Variants in MINDY3 observed in about 807,000 individuals in gnomAD.
MINDY3 encodes the protein MINDY lysine 48 deubiquitinase 3.
MINDY3 carries 38 observed loss-of-function variants against 69.2 expected under a neutral mutation model. The ratio of observed to expected loss-of-function variants is 0.55; its 90% CI spans 0.42 to 0.72. MINDY3 has a LOEUF of 0.72. Ranked by LOEUF, MINDY3 falls within the 30% of genes least tolerant of loss-of-function variation. The probability of loss-of-function intolerance (pLI) is 0.00; values close to 1 mark genes in which losing one functional copy is unlikely to be tolerated. For synonymous variants in MINDY3, 192 were observed against 180.1 expected (o/e 1.07, Z -0.53); for missense variants, 522 against 519.0 (o/e 1.01, Z -0.06).
At chr10:15,839,284 T>G (rs528809517) in intron 4 of MINDY3, among the ~76,000 whole-genome samples, 1 of 151,642 alleles carries the variant, frequency 6.6e-6, no homozygotes, top group South Asian at 2.1e-4. Flanking sequence ...GCAGTCCAAA[T>G]GTATTAAGTT....
Position 15,786,612 on chromosome 10 carries a change from T to C in MINDY3, c.1065A>G (p.Gly355=). 1 of 1,596,606 alleles carries C rather than the reference T, an allele frequency of 6.3e-7. No individual in the cohort carries two copies. Among genetic ancestry groups the C allele is most frequent in the Non-Finnish European group, 8.6e-7 (1 of 1,165,262 alleles). ...ATGGGCCCAATAATATGATTCCTAATCCTTCTGGATCTAATTTATTCTTCA... is the reference window on the plus strand; with the variant it reads ...ATGGGCCCAATAATATGATTCCTAACCCTTCTGGATCTAATTTATTCTTCA... ...NLMKNKLDPE[G]LGIILLGPFL... The change falls in exon 13 of 15, where the codon GGA becomes GGG. Residue 355 remains glycine, a synonymous_variant. Transcript: ENST00000277632.
chr10:15,837,375 A>C, intron 5 of MINDY3, 57 bp from the exon 6 acceptor site: 1 of 1,364,570 alleles, frequency 7.3e-7, no homozygotes, highest in Non-Finnish European at 1.0e-6. Flanking sequence ...TACATTCATA[A>C]AAGGGAAAAT....
At chr10:15,848,522 T>C (rs902431507) in intron 1 of MINDY3, among the ~76,000 whole-genome samples, 1 of 150,242 alleles carries the variant, frequency 6.7e-6, no homozygotes, top group Non-Finnish European at 1.5e-5. Context: ...TAGTCCCAGC[T>C]ACTCGGGAGG....
chr10:15,857,815 A>G, intron 1 of MINDY3: 1 of 433,292 alleles, frequency 2.3e-6, no homozygotes, highest in Non-Finnish European at 3.1e-6. Flanking sequence ...CAACCATATC[A>G]AAAGAATTTA....
intron 10 of MINDY3, among the ~76,000 whole-genome samples, chr10:15,804,342 T>G (rs1838477942): frequency 6.6e-6 from 1 of 152,166 alleles, no homozygotes. Context: ...AGTGTAACTA[T>G]TCACTATTCA....
At chr10:15,817,723 C>T (rs1245281008) in intron 9 of MINDY3, 1 of 152,200 alleles carries the variant, frequency 6.6e-6, no homozygotes, top group African/African-American at 2.4e-5. Context: ...GCTGCATTTT[C>T]CTTTTTCTTA....
intron 10 of MINDY3, among the ~76,000 whole-genome samples, chr10:15,796,735 C>T (rs1837869770): frequency 6.6e-6 from 1 of 151,868 alleles, no homozygotes; most frequent in Non-Finnish European, 1.5e-5. Context: ...AAGGAAACAC[C>T]CTAGAGGACA....
At chr10:15,796,292 T>C (rs532561662) in intron 10 of MINDY3, 120 bp from the exon 11 acceptor site, 6 of 758,506 alleles carry the variant, frequency 7.9e-6, no homozygotes, top group Non-Finnish European at 1.2e-5. Context: ...GTTACATTTG[T>C]ATCATAGATG....
intron 6 of MINDY3, among the ~76,000 whole-genome samples, chr10:15,836,634 T>C (rs1588624117): frequency 6.6e-6 from 1 of 151,602 alleles, no homozygotes; most frequent in South Asian, 2.1e-4. Context: ...GAAGGGGACA[T>C]ATTGGAACTA....
At chr10:15,790,254 G>GTCTTTTCTATTCTTAAACC (rs373247788) in intron 11 of MINDY3, among the ~76,000 whole-genome samples, 38 of 152,210 alleles carry the variant, frequency 2.5e-4, no homozygotes, top group African/African-American at 7.0e-4. Context: ...TTGTAGAAAG[G>GTCTTTTCTATTCTTAAACC]TCTTTTCTAT....
At chr10:15,789,726 A>T (rs1837269099) in intron 11 of MINDY3, among the ~76,000 whole-genome samples, 1 of 152,130 alleles carries the variant, frequency 6.6e-6, no homozygotes, top group South Asian at 2.1e-4. Flanking sequence ...TCCCTTTGTC[A>T]CAATGTTATT....
Position 15,779,011 on chromosome 10 carries a change from C to T in MINDY3, c.1319G>A (p.Arg440His), listed in dbSNP as rs142355387. 2.4e-5 allele frequency: 39 copies of T among 1,612,816 alleles called. No homozygotes were observed. The highest frequency in any genetic ancestry group is 1.7e-4 in the African/African-American group (13 of 74,938). ...PYIELLWTTDRSPSLN is the reference protein window; with the variant it reads ...PYIELLWTTDHSPSLN ...GACAAATTAATTTAGTGAAGGAGAG[C>T]GATCTGTGGTCCAGAGTAACTCAAT... The change falls in exon 15 of 15, where the codon CGC becomes CAC. Residue 440 changes from arginine to histidine, a missense_variant. Physicochemically the swap from Arg to His is conservative, Grantham distance 29 (BLOSUM62 0). Coordinates refer to ENST00000277632, the MANE Select transcript of MINDY3 (RefSeq NM_024948.4).
chr10:15,842,082 A>G (rs1188378245), intron 3 of MINDY3, among the ~76,000 whole-genome samples: 2 of 151,806 alleles, frequency 1.3e-5, no homozygotes, highest in Admixed American at 6.6e-5. Flanking sequence ...ATATGTTACC[A>G]AAGTCCATTA....
At chr10:15,818,776 CA>C (rs1180917854) in intron 9 of MINDY3, among the ~76,000 whole-genome samples, 1 of 152,068 alleles carries the variant, frequency 6.6e-6, no homozygotes, top group Non-Finnish European at 1.5e-5. Flanking sequence ...ATGAAATGTA[CA>C]AAAGAGGTAA....
intron 8 of MINDY3, among the ~76,000 whole-genome samples, chr10:15,825,277 A>C (rs1326390649): frequency 6.6e-6 from 1 of 152,240 alleles, no homozygotes; most frequent in African/African-American, 2.4e-5. Flanking sequence ...AAAAAATCGA[A>C]ATCTTAAATG....
chr10:15,799,855 G>A (rs1262756092), intron 10 of MINDY3, among the ~76,000 whole-genome samples: 1 of 152,086 alleles, frequency 6.6e-6, no homozygotes, highest in Non-Finnish European at 1.5e-5. Context: ...GGCACACTAC[G>A]AACACTCACT....
Position 15,841,585 on chromosome 10 carries a change from C to T in MINDY3, c.250G>A (p.Glu84Lys). ...TCACACAAGGTATGACAAAGGAGTT[C>T]CTTCTGCTCTTCCTCTAAAAATAAC... is the stretch of plus-strand genomic sequence containing the variant. Reference protein sequence around the residue: ...WRDCSEEEQKELLCHTLCDIL... With the variant: ...WRDCSEEEQKKLLCHTLCDIL... Residue 84 changes from glutamate to lysine, a missense_variant, in exon 4 of 15, where the codon GAA (glutamate) becomes AAA (lysine). By Grantham distance (56) the Glu-to-Lys change is moderately conservative. Transcript: ENST00000277632. 1 of 1,603,728 alleles carries T rather than the reference C, an allele frequency of 6.2e-7. No homozygotes were observed. The highest frequency in any genetic ancestry group is 1.1e-5 in the South Asian group (1 of 89,470).
At chr10:15,840,895 T>A (rs1478384727) in intron 4 of MINDY3, among the ~76,000 whole-genome samples, 1 of 151,574 alleles carries the variant, frequency 6.6e-6, no homozygotes, top group African/African-American at 2.4e-5. Flanking sequence ...ATTTAACTTA[T>A]CTTCAAGGTA....
In MINDY3 at chr10:15,788,492, CATTATGTTTG is replaced by C. The variant is rs569444377; in HGVS notation, c.1028+745_1028+754del. 3.7e-4 allele frequency among the ~76,000 whole-genome samples: 56 copies of C among 152,192 alleles called. No individual in the cohort carries two copies. The Middle Eastern group carries it at 0.01, about 28-fold the overall frequency. On this transcript the variant is annotated intron_variant, in intron 12 of 14. Transcript: ENST00000277632. ...TCCTGTTGCTTTTGCTGAACTCTTT[CATTATGTTTG>C]ATAAGCTCAAGTTTTTGCATTCTTA...
Sources: allele counts gnomAD v4.1 joint callset (sites outside exome capture counted in the v4.1 genomes callset), GRCh38; gene constraint gnomAD v4.1.1; transcripts MANE v1.5; gene names NCBI Gene and HGNC (gene_info 2026-07-23, HGNC 2026-07-21).